Variants in RFX6 observed in about 807,000 individuals in gnomAD.
RFX6 encodes the protein DNA-binding protein RFX6.
RFX6 carries 50 observed loss-of-function variants against 110.8 expected under a neutral mutation model. The ratio of observed to expected loss-of-function variants is 0.45; its 90% CI spans 0.36 to 0.57. RFX6 has a LOEUF of 0.57. Among genes scored for constraint, RFX6 ranks in the 20% least tolerant of loss-of-function variants. The pLI is 0.00. For missense variants in RFX6, 990 were observed against 1,127.0 expected, an observed-to-expected ratio of 0.88 and a Z score of 1.74; for synonymous variants, 383 against 411.2, an observed-to-expected ratio of 0.93 and a Z score of 0.83.
At chr6:116,921,138 A>G (rs78471575) in intron 12 of RFX6, among the ~76,000 whole-genome samples, 7,125 of 152,168 alleles carry the variant, frequency 0.047, 412 homozygotes, top group South Asian at 0.22. Flanking sequence ...GCAGCCTCCT[A>G]TACACTGGAG....
intron 6 of RFX6, among the ~76,000 whole-genome samples, chr6:116,899,917 A>G (rs1158675519): frequency 1.3e-5 from 2 of 152,214 alleles, no homozygotes; most frequent in African/African-American, 4.8e-5. Flanking sequence ...CATGACAATA[A>G]AATTATATCC....
chr6:116,922,225 T>C, intron 13 of RFX6, 74 bp downstream of exon 13: 1 of 818,478 alleles, frequency 1.2e-6, no homozygotes, highest in African/African-American at 1.7e-5. Flanking sequence ...TAATTTTTTG[T>C]CTGGGGGGAG....
chr6:116,895,332 G>A (rs966614345), intron 6 of RFX6, 125 bp downstream of exon 6: 2 of 603,890 alleles, frequency 3.3e-6, no homozygotes, highest in Admixed American at 5.1e-5. Context: ...ATTCCTTGAC[G>A]AAGGACTTCA....
intron 2 of RFX6, among the ~76,000 whole-genome samples, chr6:116,878,256 C>T (rs1478033802): frequency 6.6e-6 from 1 of 152,094 alleles, no homozygotes; most frequent in Non-Finnish European, 1.5e-5. Flanking sequence ...GCTTAATATG[C>T]AATCAGTTCA....
intron 6 of RFX6, among the ~76,000 whole-genome samples, chr6:116,901,692 G>A (rs1057288712): frequency 1.3e-5 from 2 of 152,144 alleles, no homozygotes; most frequent in Non-Finnish European, 2.9e-5. Flanking sequence ...AAACCCTAAT[G>A]TGTGATTGTC....
In RFX6 at chr6:116,920,305, T is replaced by C. The variant is rs200284797; in HGVS notation, c.1183-5T>C. The stretch of plus-strand genomic sequence containing the variant: ...TGTAGTGTCTTCTTTACTTTCTCTA[T>C]GCAGATTGCCAGACCAGCTCTCTTT... On this transcript the variant is annotated splice_region_variant and splice_polypyrimidine_tract_variant and intron_variant, in intron 11 of 18. Transcript: ENST00000332958. The C allele has an allele frequency of 7.3e-4, 1,173 of 1,608,466 alleles. 2 individuals are homozygous for C. Among genetic ancestry groups the C allele is most frequent in the Non-Finnish European group, 9.4e-4 (1,107 of 1,174,984 alleles).
At chr6:116,883,027 T>G (rs1462085704) in intron 4 of RFX6, among the ~76,000 whole-genome samples, 11 of 152,154 alleles carry the variant, frequency 7.2e-5, no homozygotes, top group Non-Finnish European at 2.9e-5. Flanking sequence ...AACAGCTATT[T>G]TCTATGCGTA....
intron 4 of RFX6, among the ~76,000 whole-genome samples, chr6:116,890,777 G>A (rs865873234): frequency 6.6e-6 from 1 of 152,012 alleles, no homozygotes; most frequent in Non-Finnish European, 1.5e-5. Flanking sequence ...TAATTAAAAA[G>A]CACGGTTTTT....
At chr6:116,896,510 A>G (rs949513145) in intron 6 of RFX6, among the ~76,000 whole-genome samples, 62 of 152,186 alleles carry the variant, frequency 4.1e-4, no homozygotes, top group Non-Finnish European at 1.0e-4. Flanking sequence ...ACACAATTGA[A>G]ATTTTTAAAA....
intron 6 of RFX6, among the ~76,000 whole-genome samples, chr6:116,905,556 C>CTTTTT: frequency 7.1e-6 from 1 of 141,110 alleles, no homozygotes. Flanking sequence ...AAAAGTGTTT[C>CTTTTT]TTTTTTTTTT....
chr6:116,901,066 T>C (rs339300), intron 6 of RFX6, among the ~76,000 whole-genome samples: 66,838 of 151,918 alleles, frequency 0.44, 15,613 homozygotes, highest in African/African-American at 0.6. Flanking sequence ...AAATTATGAG[T>C]TATTTAACAC....
chr6:116,924,975 T>C (rs1310597991), intron 15 of RFX6, among the ~76,000 whole-genome samples, 184 bp downstream of exon 15: 1 of 152,226 alleles, frequency 6.6e-6, no homozygotes, highest in African/African-American at 2.4e-5. Context: ...TTCATTGCTA[T>C]GTAGTCAAAA....
At chr6:116,902,778 A>G (rs1356040058) in intron 6 of RFX6, among the ~76,000 whole-genome samples, 1 of 152,084 alleles carries the variant, frequency 6.6e-6, no homozygotes, top group Non-Finnish European at 1.5e-5. Context: ...CTTTGTACCA[A>G]GATAAATATC....
chr6:116,880,676 C>T lies in RFX6; in HGVS notation c.504+9C>T. 3 of 1,613,116 alleles carry T rather than the reference C, an allele frequency of 1.9e-6. No individual in the cohort carries two copies. The highest frequency in any genetic ancestry group is 2.5e-6 in the Non-Finnish European group (3 of 1,179,268). Reference sequence around the variant, plus strand: ...CGGCCACCTTTGGAAAGGTAAATGACACGTATTGGCTATAGTGACTTATAA... The same window carrying T: ...CGGCCACCTTTGGAAAGGTAAATGATACGTATTGGCTATAGTGACTTATAA... On this transcript the variant is annotated intron_variant, in intron 3 of 18. Coordinates refer to ENST00000332958, the MANE Select transcript of RFX6 (RefSeq NM_173560.4).
In RFX6 at chr6:116,916,098, A is replaced by G; in HGVS notation, c.858+13A>G. 6.3e-7 allele frequency: 1 copy of G among 1,591,138 alleles called. No individual in the cohort carries two copies. The highest frequency in any genetic ancestry group is 8.6e-7 in the Non-Finnish European group (1 of 1,159,572). On this transcript the variant is annotated intron_variant, in intron 8 of 18. Coordinates refer to ENST00000332958, the MANE Select transcript of RFX6 (RefSeq NM_173560.4). ...AAACTTTGAAGAGGTAAGAATGACA[A>G]AGAATGCTTTATTTGACCCTATTAT...
intron 14 of RFX6, among the ~76,000 whole-genome samples, chr6:116,924,103 CT>C (rs1228647632): frequency 6.6e-6 from 1 of 152,248 alleles, no homozygotes; most frequent in African/African-American, 2.4e-5. Flanking sequence ...ACGAAAAATA[CT>C]TTTGTTGGAA....
At position 116,927,115 on chromosome 6, in the gene RFX6, A is replaced by T; in HGVS notation, c.1974A>T (p.Gln658His). Residue 658 changes from glutamine to histidine, a missense_variant, in exon 17 of 19, where the codon CAA becomes CAT. Transcript: ENST00000332958. ...AMASRGSVINQGPMAGRPPSV... is the reference protein window; with the variant it reads ...AMASRGSVINHGPMAGRPPSV... ...CAAGCCGAGGAAGTGTCATTAACCA[A>T]GGACCAATGGCAGGGAGGCCCCCAA... The T allele has an allele frequency of 1.2e-6, 2 of 1,614,126 alleles. No individual in the cohort carries two copies. Among genetic ancestry groups the T allele is most frequent in the Non-Finnish European group, 1.7e-6 (2 of 1,179,982 alleles).
intron 6 of RFX6, among the ~76,000 whole-genome samples, chr6:116,908,611 T>C (rs1038867778): frequency 6.6e-6 from 1 of 151,892 alleles, no homozygotes; most frequent in African/African-American, 2.4e-5. Flanking sequence ...AGACATTTGC[T>C]GTGGGCTTCT....
At position 116,929,139 on chromosome 6, in the gene RFX6, G is replaced by A. The variant is rs17208849; in HGVS notation, c.2611+168G>A. Among the ~76,000 whole-genome samples the A allele has an allele frequency of 0.083, 12,686 of 152,178 alleles. 686 individuals are homozygous for A. Among genetic ancestry groups the A allele is most frequent in the Non-Finnish European group, 0.13 (8,875 of 67,996 alleles). On this transcript the variant is annotated intron_variant, in intron 18 of 18. Transcript: ENST00000332958. ...TTTTTTGTATCTGACTACACAGTTA[G>A]TAACAGTTTTTCATTTCTTATTCTG... is the stretch of plus-strand genomic sequence containing the variant.
Sources: gnomAD v4.1 joint callset for allele counts (sites outside exome capture counted in the v4.1 genomes callset) on GRCh38, gnomAD v4.1.1 for gene constraint, MANE v1.5 for transcripts, NCBI Gene and HGNC (gene_info 2026-07-23, HGNC 2026-07-21) for gene names.